The following ITPR2 variants were observed in gnomAD, a reference collection of about 807,000 sequenced individuals.
ITPR2 encodes the protein inositol 1,4,5-trisphosphate receptor type 2.
A neutral mutation model predicts 317.1 loss-of-function variants in ITPR2; 207 were observed. That is an observed-to-expected ratio of 0.65 (90% confidence interval 0.58 to 0.73). The LOEUF is 0.73. ITPR2 is among the 30% of genes least tolerant of loss of function. The probability of loss-of-function intolerance (pLI) is 0.00; values close to 1 mark genes in which losing one functional copy is unlikely to be tolerated. For missense variants in ITPR2, 2,613 were observed against 3,284.0 expected, an observed-to-expected ratio of 0.80 and a Z score of 4.99; for synonymous variants, 1,156 against 1,149.1, an observed-to-expected ratio of 1.01 and a Z score of -0.12.
intron 2 of ITPR2, among the ~76,000 whole-genome samples, chr12:26,726,533 T>G (rs1948927035): frequency 6.6e-6 from 1 of 152,178 alleles, no homozygotes. Context: ...TATTCTATCA[T>G]AAAAGAGTAG....
chr12:26,567,996 ATTATATATAT>A (rs1410597953), intron 34 of ITPR2, among the ~76,000 whole-genome samples: 131 of 5,144 alleles, frequency 0.025, 4 homozygotes, highest in African/African-American at 0.055. Context: ...ATATATATAT[ATTATATATAT>A]TATATATATA....
intron 13 of ITPR2, among the ~76,000 whole-genome samples, chr12:26,679,908 C>A (rs888470765): frequency 1.3e-5 from 2 of 151,770 alleles, no homozygotes; most frequent in African/African-American, 4.8e-5. Flanking sequence ...AATATAGATA[C>A]AGTATATAAT....
At chr12:26,523,536 T>TAAA (rs56371802) in intron 37 of ITPR2, among the ~76,000 whole-genome samples, 87 of 150,878 alleles carry the variant, frequency 5.8e-4, no homozygotes, top group South Asian at 2.3e-3. Context: ...TTTTTTTTTT[T>TAAA]AAAAAGCCTA....
chr12:26,399,974 C>G (rs1940120110), intron 53 of ITPR2, among the ~76,000 whole-genome samples, 154 bp downstream of exon 53: 1 of 152,238 alleles, frequency 6.6e-6, no homozygotes, highest in Non-Finnish European at 1.5e-5. Context: ...GTAATCCTAG[C>G]AAACAATTAA....
At position 26,602,665 on chromosome 12, in the gene ITPR2, T is replaced by C. The variant is rs771518685; in HGVS notation, c.3504A>G (p.Lys1168=). Residue 1168 remains lysine, a synonymous_variant, in exon 27 of 57, where the codon AAA becomes AAG. Coordinates refer to ENST00000381340, the MANE Select transcript of ITPR2 (RefSeq NM_002223.4). The part of the protein sequence containing the change: ...ILSPVQDGTK[K]PQIDSNKSNN... ...TGCTCTTGTTGCTGTCAATCTGAGG[T>C]TTCTTTGTTCCATCCTGCACTGGAC... 9 of 1,611,746 alleles carry C rather than the reference T, an allele frequency of 5.6e-6. No individual in the cohort carries two copies. The South Asian group carries it at 8.8e-5, about 16-fold the overall frequency.
intron 2 of ITPR2, among the ~76,000 whole-genome samples, chr12:26,745,852 T>C (rs1304567049): frequency 6.6e-6 from 1 of 152,180 alleles, no homozygotes; most frequent in Non-Finnish European, 1.5e-5. Flanking sequence ...ATTCAATAAA[T>C]GCCAATTTAA....
At chr12:26,739,598 G>T (rs1949195722) in intron 2 of ITPR2, among the ~76,000 whole-genome samples, 1 of 152,118 alleles carries the variant, frequency 6.6e-6, no homozygotes, top group Non-Finnish European at 1.5e-5. Flanking sequence ...TCTAGAAAAG[G>T]CAAAACTATA....
At chr12:26,519,835 C>T (rs1285131733) in intron 37 of ITPR2, among the ~76,000 whole-genome samples, 4 of 152,072 alleles carry the variant, frequency 2.6e-5, no homozygotes, top group African/African-American at 9.7e-5. Context: ...TCTCTATGAA[C>T]TTATATGGCA....
chr12:26,443,574 T>G lies in ITPR2; in HGVS notation c.6419A>C (p.Lys2140Thr). 2.5e-6 allele frequency: 4 copies of G among 1,612,988 alleles called. No homozygotes were observed. Among genetic ancestry groups the G allele is most frequent in the Non-Finnish European group, 3.4e-6 (4 of 1,179,140 alleles). The part of the protein sequence containing the change: ...SDPDEGDEAL[K>T]YYANHTAQIE... The stretch of plus-strand genomic sequence containing the variant: ...CTGTGCAGTGTGGTTGGCATAATAC[T>G]TTAAGGCTTCATCTCCTTCATCTGG... The change falls in exon 46 of 57, where the codon AAG (lysine) becomes ACG (threonine). Residue 2140 changes from lysine to threonine, a missense_variant. Around this residue, in one of 9 missense-constraint regions of ITPR2, gnomAD observed 926 missense variants for 1,072.8 expected, o/e 0.86. Coordinates refer to ENST00000381340, the MANE Select transcript of ITPR2 (RefSeq NM_002223.4).
chr12:26,807,116 G>T (rs955698312), intron 1 of ITPR2, among the ~76,000 whole-genome samples: 1 of 151,924 alleles, frequency 6.6e-6, no homozygotes, highest in Non-Finnish European at 1.5e-5. Context: ...TTGAACCTGG[G>T]AGGTGGAGGT....
At chr12:26,459,235 G>T (rs1941958351) in intron 45 of ITPR2, among the ~76,000 whole-genome samples, 1 of 152,198 alleles carries the variant, frequency 6.6e-6, no homozygotes, top group Non-Finnish European at 1.5e-5. Context: ...CTTGCTCAGT[G>T]ACAGCAAGAC....
chr12:26,376,317 T>A (rs1939342113), intron 55 of ITPR2, among the ~76,000 whole-genome samples: 1 of 152,148 alleles, frequency 6.6e-6, no homozygotes, highest in South Asian at 2.1e-4. Flanking sequence ...ACTGAGATGA[T>A]CACATCTCCT....
intron 21 of ITPR2, among the ~76,000 whole-genome samples, chr12:26,641,140 T>A (rs1946974771): frequency 6.6e-6 from 1 of 152,122 alleles, no homozygotes; most frequent in South Asian, 2.1e-4. Context: ...AATACTTAGC[T>A]TCAAGAGATC....
At chr12:26,829,698 C>A (rs1041528292) in intron 1 of ITPR2, among the ~76,000 whole-genome samples, 15 of 152,124 alleles carry the variant, frequency 9.9e-5, no homozygotes, top group African/African-American at 3.4e-4. Flanking sequence ...GGAAACTGCA[C>A]CAGGGCACAT....
Position 26,772,413 on chromosome 12 carries a change from TTTATATATATTATATATAATACATGTA to T in ITPR2, c.163+17717_163+17743del, listed in dbSNP as rs750652478. Among the ~76,000 whole-genome samples the T allele has an allele frequency of 1.7e-4, 17 of 97,304 alleles. 1 individual carries two copies. Among genetic ancestry groups the T allele is most frequent in the East Asian group, 7.6e-4 (3 of 3,954 alleles). 63.8% of individuals were successfully genotyped at this position (97,304 alleles called of 152,430 possible). On this transcript the variant is annotated intron_variant, in intron 2 of 56. Coordinates refer to ENST00000381340, the MANE Select transcript of ITPR2 (RefSeq NM_002223.4). ...ATATTATATATATATAATATACACA[TTTATATATATTATATATAATACATGTA>T]TTATATATATTATATATATAATACA...
intron 9 of ITPR2, among the ~76,000 whole-genome samples, chr12:26,705,623 T>C (rs935699879): frequency 2.6e-5 from 4 of 152,230 alleles, no homozygotes; most frequent in Non-Finnish European, 4.4e-5. Context: ...AGACATTTTA[T>C]AAGCATAATC....
intron 49 of ITPR2, among the ~76,000 whole-genome samples, chr12:26,424,946 G>A (rs12425119): frequency 8.6e-5 from 13 of 151,186 alleles, no homozygotes; most frequent in Non-Finnish European, 1.8e-4. Flanking sequence ...TTTTAGTAGA[G>A]ACAGGGTTTT....
chr12:26,754,897 T>C (rs1378148950), intron 2 of ITPR2, among the ~76,000 whole-genome samples: 1 of 152,210 alleles, frequency 6.6e-6, no homozygotes, highest in African/African-American at 2.4e-5. Context: ...TCAAACTGAT[T>C]AAGATTGAAT....
intron 39 of ITPR2, among the ~76,000 whole-genome samples, chr12:26,490,830 G>A (rs2136862329): frequency 6.6e-6 from 1 of 152,206 alleles, no homozygotes. Flanking sequence ...AAACAAACAA[G>A]CAAACAAAGT....
Sources: allele counts gnomAD v4.1 joint callset (sites outside exome capture counted in the v4.1 genomes callset), GRCh38; gene constraint gnomAD v4.1.1; regional missense constraint gnomAD v4.1.1; transcripts MANE v1.5; gene names NCBI Gene and HGNC (gene_info 2026-07-23, HGNC 2026-07-21).